GRIN2B: variants seen among roughly 807,000 people sequenced by gnomAD.
GRIN2B encodes glutamate receptor ionotropic, NMDA 2B.
GRIN2B carries 5 observed loss-of-function variants against 114.5 expected under a neutral mutation model. The ratio of observed to expected loss-of-function variants is 0.04; its 90% confidence interval spans 0.02 to 0.09. GRIN2B has a LOEUF of 0.09. GRIN2B is among the 10% of genes least tolerant of loss of function. The pLI, the probability that GRIN2B is intolerant of heterozygous loss-of-function variation, is 1.00. For synonymous variants in GRIN2B, 787 were observed against 745.1 expected (o/e 1.06, Z -0.92); for missense variants, 1,108 against 1,943.5 (o/e 0.57, Z 8.08).
At chr12:13,565,394 G>C (rs1223133297) in intron 13 of GRIN2B, among the ~76,000 whole-genome samples, 4 of 152,126 alleles carry the variant, frequency 2.6e-5, no homozygotes, top group African/African-American at 9.7e-5. Context: ...TCTCTCTTTA[G>C]CTCCTGTTTT....
intron 2 of GRIN2B, among the ~76,000 whole-genome samples, chr12:13,963,792 T>C (rs1040950055): frequency 6.6e-6 from 1 of 152,172 alleles, no homozygotes; most frequent in Non-Finnish European, 1.5e-5. Flanking sequence ...ATTCAAGATC[T>C]AGGCTTGCCT....
intron 4 of GRIN2B, among the ~76,000 whole-genome samples, chr12:13,694,393 T>TC (rs1950240453): frequency 6.6e-6 from 1 of 151,990 alleles, no homozygotes; most frequent in Admixed American, 6.6e-5. Flanking sequence ...CTATGATGTG[T>TC]CAGGCACTGT....
chr12:13,927,351 G>A (rs1035933553), intron 2 of GRIN2B, among the ~76,000 whole-genome samples: 2 of 152,122 alleles, frequency 1.3e-5, no homozygotes, highest in African/African-American at 2.4e-5. Flanking sequence ...GGAAGCCTTA[G>A]TAACAGGCTA....
At chr12:13,913,472 G>T (rs1260252016) in intron 2 of GRIN2B, among the ~76,000 whole-genome samples, 1 of 152,166 alleles carries the variant, frequency 6.6e-6, no homozygotes, top group Non-Finnish European at 1.5e-5. Context: ...ATCCTAAAGG[G>T]CACTGAACTG....
At chr12:13,765,072 A>C (rs1480078685) in intron 3 of GRIN2B, among the ~76,000 whole-genome samples, 2 of 152,230 alleles carry the variant, frequency 1.3e-5, no homozygotes, top group African/African-American at 2.4e-5. Flanking sequence ...GTGAATTCTG[A>C]TCCATGCTAA....
chr12:13,577,384 C>A (rs1264354587), intron 10 of GRIN2B, among the ~76,000 whole-genome samples: 1 of 152,160 alleles, frequency 6.6e-6, no homozygotes, highest in East Asian at 1.9e-4. Flanking sequence ...ATCTCAGCCT[C>A]CATCTTAATG....
At chr12:13,626,818 C>CCCCCCCCCCCCCCCCCCCCCCCCCCCT (rs1649734494) in intron 5 of GRIN2B, among the ~76,000 whole-genome samples, 1 of 62,460 alleles carries the variant, frequency 1.6e-5, no homozygotes, top group African/African-American at 6.7e-5. Context: ...CCCCTCCCCC[C>CCCCCCCCCCCCCCCCCCCCCCCCCCCT]CACCCTCCCC....
chr12:13,957,812 G>A (rs959672008), intron 2 of GRIN2B, among the ~76,000 whole-genome samples: 2 of 152,228 alleles, frequency 1.3e-5, no homozygotes, highest in South Asian at 2.1e-4. Flanking sequence ...CTGAATCTTC[G>A]TGGTTTACTG....
chr12:13,588,171 G>A (rs1378571565), intron 10 of GRIN2B, among the ~76,000 whole-genome samples: 1 of 152,190 alleles, frequency 6.6e-6, no homozygotes, highest in East Asian at 1.9e-4. Context: ...ATGGATTACA[G>A]AGAAGGTAGC....
At chr12:13,736,890 G>C (rs962059259) in intron 4 of GRIN2B, among the ~76,000 whole-genome samples, 1 of 151,824 alleles carries the variant, frequency 6.6e-6, no homozygotes, top group African/African-American at 2.4e-5. Flanking sequence ...GCGTGGTGGT[G>C]CGTGCCTGTA....
chr12:13,576,376 T>C (rs759516), intron 10 of GRIN2B, among the ~76,000 whole-genome samples: 16,098 of 152,054 alleles, frequency 0.11, 949 homozygotes, highest in African/African-American at 0.13. Context: ...AATTTAGCGC[T>C]GTCAAGAACC....
chr12:13,577,317 T>C (rs1241644952), intron 10 of GRIN2B, among the ~76,000 whole-genome samples: 1 of 152,266 alleles, frequency 6.6e-6, no homozygotes, highest in East Asian at 1.9e-4. Flanking sequence ...TAATCTCATT[T>C]GATCCTCCTG....
At chr12:13,692,966 C>T (rs1950228285) in intron 4 of GRIN2B, among the ~76,000 whole-genome samples, 1 of 151,572 alleles carries the variant, frequency 6.6e-6, no homozygotes, top group Non-Finnish European at 1.5e-5. Flanking sequence ...TGGGGTTGCT[C>T]CATGTTGGTC....
chr12:13,921,390 G>A (rs1866820922), intron 2 of GRIN2B, among the ~76,000 whole-genome samples: 1 of 152,160 alleles, frequency 6.6e-6, no homozygotes. Flanking sequence ...GGTGACAGGA[G>A]CAAGACTATA....
chr12:13,862,882 C>T (rs2136742904), intron 3 of GRIN2B, among the ~76,000 whole-genome samples: 2 of 152,338 alleles, frequency 1.3e-5, no homozygotes, highest in South Asian at 4.1e-4. Context: ...CATTCAGCAT[C>T]GAACGCCTGG....
chr12:13,943,816 C>A (rs924181588), intron 2 of GRIN2B, among the ~76,000 whole-genome samples: 2 of 152,156 alleles, frequency 1.3e-5, no homozygotes, highest in Non-Finnish European at 2.9e-5. Flanking sequence ...ATTTTATTCA[C>A]AGTACTCATC....
chr12:13,607,592 T>G (rs1248136077), intron 10 of GRIN2B, among the ~76,000 whole-genome samples: 2 of 146,298 alleles, frequency 1.4e-5, no homozygotes, highest in East Asian at 4.0e-4. Context: ...AGAGAATATC[T>G]CCTCCTTTTC....
At chr12:13,757,691 C>T (rs1174980128) in intron 3 of GRIN2B, among the ~76,000 whole-genome samples, 1 of 152,036 alleles carries the variant, frequency 6.6e-6, no homozygotes, top group Non-Finnish European at 1.5e-5. Flanking sequence ...TAACATATTC[C>T]TATATAAAGG....
chr12:13,694,716 T>C (rs1950246080), intron 4 of GRIN2B, among the ~76,000 whole-genome samples: 2 of 136,082 alleles, frequency 1.5e-5, no homozygotes, highest in Admixed American at 7.5e-5. Context: ...TTAATTAATA[T>C]TGGTCACCAC....
Sources: allele counts gnomAD v4.1 joint callset (sites outside exome capture counted in the v4.1 genomes callset), GRCh38; gene constraint gnomAD v4.1.1; transcripts MANE v1.5; gene names NCBI Gene and HGNC (gene_info 2026-07-23, HGNC 2026-07-21).